The following ZNF469 variants were observed in gnomAD, a reference collection of about 807,000 sequenced individuals.
The protein encoded by ZNF469 is zinc finger protein 469.
A neutral mutation model predicts 1.0 loss-of-function variants in ZNF469; 1 was observed. The ratio of observed to expected loss-of-function variants is 1.00; its 90% confidence interval spans 0.35 to 4.73. ZNF469 has a LOEUF of 4.73. Ranked by LOEUF, ZNF469 falls within the 30% of genes most tolerant of loss-of-function variation. The pLI, the probability that ZNF469 is intolerant of heterozygous loss-of-function variation, is 0.16. For missense variants in ZNF469, 6,100 were observed against 5,356.3 expected (o/e 1.14, Z -4.33); for synonymous variants, 2,703 against 2,363.4 (o/e 1.14, Z -4.17).
chr16:88,237,708 G>C, the ZNF469 span, among the ~76,000 whole-genome samples: 372 of 14,242 alleles, frequency 0.026, 5 homozygotes, highest in Middle Eastern at 0.05. Flanking sequence ...GCTCCTGCCA[G>C]TCACCCTCCC....
At chr16:88,326,160 A>G in the ZNF469 span, among the ~76,000 whole-genome samples, 6 of 152,200 alleles carry the variant, frequency 3.9e-5, no homozygotes, top group South Asian at 1.2e-3. Context: ...GAATTCCCAC[A>G]TGTTGTGGGA....
chr16:88,140,620 A>G, the ZNF469 span, among the ~76,000 whole-genome samples: 3 of 152,232 alleles, frequency 2.0e-5, no homozygotes, highest in Non-Finnish European at 4.4e-5. Flanking sequence ...GAATTTCAGT[A>G]TAGAAACAGG....
At position 88,439,875 on chromosome 16, in the gene ZNF469, A is replaced by AATAGGCCTCCTCCCTCTGACC. The variant is rs1448111023; in HGVS notation, c.*544_*545insTAGGCCTCCTCCCTCTGACCA. 5 of 44,884 alleles carry AATAGGCCTCCTCCCTCTGACC rather than the reference A, an allele frequency of 1.1e-4. No individual in the cohort carries two copies. Among genetic ancestry groups the AATAGGCCTCCTCCCTCTGACC allele is most frequent in the African/African-American group, 4.2e-4 (5 of 12,000 alleles). 2.8% of individuals were successfully genotyped at this position (44,884 alleles called of 1,614,324 possible). A position where few individuals can be genotyped will look rare whatever the true frequency, so the allele number is the denominator to read the frequency against. ...GAGCCGCCTGGTCCCCCAAGAGCAC[A>AATAGGCCTCCTCCCTCTGACC]ACAGGCCTCCTCCCTCTGACCACAG... On this transcript the variant is annotated 3_prime_UTR_variant, in exon 3 of 3. Coordinates refer to ENST00000565624, the MANE Select transcript of ZNF469 (RefSeq NM_001367624.2).
the ZNF469 span, among the ~76,000 whole-genome samples, chr16:88,160,435 T>A: frequency 6.6e-6 from 1 of 152,198 alleles, no homozygotes; most frequent in African/African-American, 2.4e-5. Flanking sequence ...TGCACTGGAA[T>A]GTGCTTGGGG....
At chr16:88,138,060 C>G in the ZNF469 span, among the ~76,000 whole-genome samples, 1 of 152,158 alleles carries the variant, frequency 6.6e-6, no homozygotes, top group African/African-American at 2.4e-5. Context: ...GCCCATCTCA[C>G]TCAGTGTCTG....
At chr16:88,334,251 T>C in the ZNF469 span, among the ~76,000 whole-genome samples, 8 of 152,216 alleles carry the variant, frequency 5.3e-5, no homozygotes, top group Admixed American at 1.3e-4. Context: ...TGGACTAAGC[T>C]GGACTAAGCC....
At chr16:88,338,801 G>A in the ZNF469 span, among the ~76,000 whole-genome samples, 1 of 152,204 alleles carries the variant, frequency 6.6e-6, no homozygotes, top group Non-Finnish European at 1.5e-5. Context: ...ACAGGCCACA[G>A]GCCAAGAGCG....
intron 1 of ZNF469, among the ~76,000 whole-genome samples, chr16:88,400,527 C>T (rs1302025448): frequency 6.6e-6 from 1 of 152,214 alleles, no homozygotes; most frequent in South Asian, 2.1e-4. Context: ...TTTCCGGAAC[C>T]TCTAAGCCAG....
chr16:88,185,539 C>A, the ZNF469 span, among the ~76,000 whole-genome samples: 32,316 of 128,690 alleles, frequency 0.25, 3,623 homozygotes, highest in African/African-American at 0.31. Flanking sequence ...AGACCCACAC[C>A]CACTCACATT....
chr16:88,367,398 G>C, the ZNF469 span, among the ~76,000 whole-genome samples: 1 of 152,210 alleles, frequency 6.6e-6, no homozygotes, highest in African/African-American at 2.4e-5. Context: ...GCTGTGATTA[G>C]CATGTGATGT....
Position 88,437,848 on chromosome 16 carries a change from G to A in ZNF469, c.10378G>A (p.Gly3460Arg). The part of the protein sequence containing the change: ...FRGVRRPGAP[G>R]QKARALEGTL... ...CGGCGTGCGGAGGCCGGGAGCGCCGGGACAGAAGGCCCGGGCCCTCGAGGG... is the reference window on the plus strand; with the variant it reads ...CGGCGTGCGGAGGCCGGGAGCGCCGAGACAGAAGGCCCGGGCCCTCGAGGG... The change falls in exon 3 of 3, where the codon GGA becomes AGA. Residue 3460 changes from glycine (G) to arginine (R), a missense_variant. By Grantham distance (125) the Gly-to-Arg change is moderately radical. Transcript: ENST00000565624. 6.5e-7 allele frequency: 1 copy of A among 1,540,256 alleles called. No homozygotes were observed. The highest frequency in any genetic ancestry group is 8.8e-7 in the Non-Finnish European group (1 of 1,139,502).
At chr16:88,362,003 T>C in the ZNF469 span, among the ~76,000 whole-genome samples, 1 of 152,244 alleles carries the variant, frequency 6.6e-6, no homozygotes, top group African/African-American at 2.4e-5. Context: ...GTTCTGCTCA[T>C]TGATCCGTTT....
the ZNF469 span, among the ~76,000 whole-genome samples, chr16:88,140,892 C>T: frequency 1.3e-5 from 2 of 152,116 alleles, no homozygotes; most frequent in Non-Finnish European, 2.9e-5. Context: ...GAGATCATGC[C>T]ATTGCACTGC....
intron 1 of ZNF469, among the ~76,000 whole-genome samples, chr16:88,383,690 C>A (rs1489233008): frequency 6.6e-6 from 1 of 151,356 alleles, no homozygotes. Flanking sequence ...GGTGCCCCAG[C>A]CGTGCCGCCG....
the ZNF469 span, among the ~76,000 whole-genome samples, chr16:88,111,447 T>G: frequency 6.6e-6 from 1 of 152,214 alleles, no homozygotes. Flanking sequence ...AAATTATTGT[T>G]GACTGTGCTC....
the ZNF469 span, among the ~76,000 whole-genome samples, chr16:88,157,168 C>A: frequency 4.0e-5 from 6 of 151,402 alleles, no homozygotes; most frequent in South Asian, 4.2e-4. Context: ...CCGGCGCCAC[C>A]GAGGGACATG....
chr16:88,428,559 G>T lies in ZNF469; in HGVS notation c.1089G>T (p.Ser363=). The change falls in exon 3 of 3, where the codon TCG becomes TCT. Residue 363 remains serine, a synonymous_variant. Coordinates refer to ENST00000565624, the MANE Select transcript of ZNF469 (RefSeq NM_001367624.2). ...GALSSPGAAH[S]APRPFSDSLH... The stretch of plus-strand genomic sequence containing the variant: ...TCTCTTCCCCTGGAGCTGCTCACTC[G>T]GCCCCGAGACCCTTCTCTGACAGTT... 6.5e-7 allele frequency: 1 copy of T among 1,550,132 alleles called. No individual in the cohort carries two copies. Among genetic ancestry groups the T allele is most frequent in the Non-Finnish European group, 8.7e-7 (1 of 1,146,854 alleles).
the ZNF469 span, among the ~76,000 whole-genome samples, chr16:88,268,783 G>T: frequency 6.6e-6 from 1 of 152,190 alleles, no homozygotes; most frequent in African/African-American, 2.4e-5. Context: ...GCCTGGGAGG[G>T]TGCCCCAGAC....
Position 88,434,706 on chromosome 16 carries a change from C to T in ZNF469, c.7236C>T (p.Ser2412=), listed in dbSNP as rs758501052. ...GLGLGRTTAP[S]STASDFQSDS... ...GCTTGGGAAGAACCACAGCCCCAAGCAGCACAGCCAGTGACTTCCAGTCTG... is the reference window on the plus strand; with the variant it reads ...GCTTGGGAAGAACCACAGCCCCAAGTAGCACAGCCAGTGACTTCCAGTCTG... Residue 2412 remains serine (S), a synonymous_variant, in exon 3 of 3, where the codon AGC becomes AGT. Transcript: ENST00000565624. 2 of 1,550,256 alleles carry T rather than the reference C, an allele frequency of 1.3e-6. No individual in the cohort carries two copies. Among genetic ancestry groups the T allele is most frequent in the African/African-American group, 2.7e-5 (2 of 73,048 alleles).
Sources: allele counts gnomAD v4.1 joint callset (sites outside exome capture counted in the v4.1 genomes callset), GRCh38; gene constraint gnomAD v4.1.1; transcripts MANE v1.5; gene names NCBI Gene and HGNC (gene_info 2026-07-23, HGNC 2026-07-21).